PLCD1: variants seen among roughly 807,000 people sequenced by gnomAD.
The protein encoded by PLCD1 is 1-phosphatidylinositol 4,5-bisphosphate phosphodiesterase delta-1.
Under a neutral mutation model 87.4 loss-of-function variants are expected in PLCD1, and 71 were observed. That is an observed-to-expected ratio of 0.81 (90% CI 0.67 to 0.99). The LOEUF (loss-of-function observed/expected upper bound fraction) is 0.99, where lower values mean the gene tolerates loss of function less well. PLCD1 is among the 50% of genes least tolerant of loss of function. PLCD1 has a pLI of 0.00. For synonymous variants in PLCD1, 348 were observed against 399.2 expected, an observed-to-expected ratio of 0.87 and a Z score of 1.53; for missense variants, 867 against 1,001.5, an observed-to-expected ratio of 0.87 and a Z score of 1.81.
In PLCD1 at chr3:38,010,233, C is replaced by T; in HGVS notation, c.1035G>A (p.Trp345Ter). 6.2e-7 allele frequency: 1 copy of T among 1,614,240 alleles called. No individual in the cohort carries two copies. Among genetic ancestry groups the T allele is most frequent in the Non-Finnish European group, 8.5e-7 (1 of 1,180,042 alleles). The change falls in exon 7 of 15, where the codon TGG becomes TGA. Residue 345 changes from tryptophan (W) to a stop codon, truncating the protein, a stop_gained. Coordinates refer to ENST00000334661, the MANE Select transcript of PLCD1 (RefSeq NM_006225.4). LOFTEE classifies it high-confidence loss of function. ...TGATTGGTTCCTGGTTGGGCCCGTC[C>T]CAGCAGTCAAGCTCCAGGCATCGGC... ...KGCRCLELDC[W>*]DGPNQEPIIY... is the part of the protein sequence containing the mutation.
In PLCD1 at chr3:38,014,381, T is replaced by C. The variant is rs573783782; in HGVS notation, c.428+2110A>G. 3.3e-5 allele frequency among the ~76,000 whole-genome samples: 5 copies of C among 152,070 alleles called. No individual in the cohort carries two copies. The South Asian group carries it at 6.2e-4, about 19-fold the overall frequency. ...TGGTAGTGGTGCAAGGACAGACATA[T>C]AGACAAACAGAATAAAATTGAGAAC... On this transcript the variant is annotated intron_variant, in intron 3 of 14. Transcript: ENST00000334661.
rs1700174346 is a variant in PLCD1 at position 38,017,396 on chromosome 3, A to AG, written c.200-678dup. Among the ~76,000 whole-genome samples the AG allele has an allele frequency of 6.6e-6, 1 of 152,120 alleles. No individual in the cohort carries two copies. Among genetic ancestry groups the AG allele is most frequent in the African/African-American group, 2.4e-5 (1 of 41,430 alleles). On this transcript the variant is annotated intron_variant, in intron 2 of 14. Transcript: ENST00000334661. The surrounding 1 kb of genome is among the most constrained non-coding windows in gnomAD (Gnocchi z 4.7). The stretch of plus-strand genomic sequence containing the variant: ...TCCTGACTTCAGGGAGCCCCTTGGC[A>AG]GGGGGTACAGGAAGACTCTGCCTTC...
chr3:38,016,539 T>C lies in PLCD1; in HGVS notation c.380A>G (p.Lys127Arg), dbSNP rs767551640. ...CATGGAGCCTGAGTGGTGGATGATCTTGTGCAGCCCCAGCACCCAGTGCTG... is the reference window on the plus strand; with the variant it reads ...CATGGAGCCTGAGTGGTGGATGATCCTGTGCAGCCCCAGCACCCAGTGCTG... ...DAQHWVLGLH[K>R]IIHHSGSMDQ... is the part of the protein sequence containing the mutation. Residue 127 changes from lysine to arginine, a missense_variant, in exon 3 of 15, where the codon AAG (lysine) becomes AGG (arginine). By Grantham distance (26) the Lys-to-Arg change is conservative. Coordinates refer to ENST00000334661, the MANE Select transcript of PLCD1 (RefSeq NM_006225.4). 5.0e-6 allele frequency: 8 copies of C among 1,614,090 alleles called. No homozygotes were observed. The highest frequency in any genetic ancestry group is 6.8e-6 in the Non-Finnish European group (8 of 1,179,976).
At chr3:38,011,753 G>A in intron 3 of PLCD1, 80 bp from the exon 4 acceptor site, 2 of 1,427,374 alleles carry the variant, frequency 1.4e-6, no homozygotes, top group Non-Finnish European at 2.0e-6. Context: ...GGCTCCAGCT[G>A]AAGCCACCTA....
Position 38,025,303 on chromosome 3 carries a change from A to G in PLCD1, c.34+4203T>C, listed in dbSNP as rs1224790080. Among the ~76,000 whole-genome samples, 1 of 152,172 alleles carries G rather than the reference A, an allele frequency of 6.6e-6. No individual in the cohort carries two copies. Among genetic ancestry groups the G allele is most frequent in the Non-Finnish European group, 1.5e-5 (1 of 68,020 alleles). Reference sequence around the variant, plus strand: ...CAAGGAGCCGGAGCGGCGAATTCTAACGCCACCTTTGAGGCTGGCGCAGAA... The same window carrying G: ...CAAGGAGCCGGAGCGGCGAATTCTAGCGCCACCTTTGAGGCTGGCGCAGAA... On this transcript the variant is annotated intron_variant, in intron 1 of 14. Coordinates refer to ENST00000334661, the MANE Select transcript of PLCD1 (RefSeq NM_006225.4). The surrounding 1 kb of genome is among the most constrained non-coding windows in gnomAD (Gnocchi z 4.0).
rs752732794 is a variant in PLCD1 at position 38,008,083 on chromosome 3, C to T, written c.2116G>A (p.Asp706Asn). The change falls in exon 14 of 15, where the codon GAT (aspartate) becomes AAT (asparagine). Residue 706 changes from aspartate (D) to asparagine (N), a missense_variant. By Grantham distance (23) the Asp-to-Asn change is conservative (BLOSUM62 1). Coordinates refer to ENST00000334661, the MANE Select transcript of PLCD1 (RefSeq NM_006225.4). ...DLALIRFLVE[D>N]YDASSKNDFI... is the part of the protein sequence containing the mutation. Reference sequence around the variant, plus strand: ...TCATTCTTGGAGGAGGCATCATAATCTTCCACCAAGAAGCGGATGAGGGCA... The same window carrying T: ...TCATTCTTGGAGGAGGCATCATAATTTTCCACCAAGAAGCGGATGAGGGCA... 1.2e-6 allele frequency: 2 copies of T among 1,614,100 alleles called. No homozygotes were observed. Among genetic ancestry groups the T allele is most frequent in the African/African-American group, 2.7e-5 (2 of 74,938 alleles).
Position 38,016,683 on chromosome 3 carries a change from T to C in PLCD1, c.236A>G (p.His79Arg). ...GAACTTCTCCAGACCCTCCGTGCGGTGCCCCATTCGCACCTCCTGAATGTC... is the reference window on the plus strand; with the variant it reads ...GAACTTCTCCAGACCCTCCGTGCGGCGCCCCATTCGCACCTCCTGAATGTC... ...IEDIQEVRMG[H>R]RTEGLEKFAR... The change falls in exon 3 of 15, where the codon CAC (histidine) becomes CGC (arginine). Residue 79 changes from histidine to arginine, a missense_variant. Transcript: ENST00000334661. 2 of 1,573,032 alleles carry C rather than the reference T, an allele frequency of 1.3e-6. No homozygotes were observed. Among genetic ancestry groups the C allele is most frequent in the Non-Finnish European group, 1.7e-6 (2 of 1,158,164 alleles).
chr3:38,010,479 G>A lies in PLCD1; in HGVS notation c.874C>T (p.Arg292Cys), dbSNP rs761747360. The change falls in exon 6 of 15, where the codon CGC becomes TGC. Residue 292 changes from arginine to cysteine, a missense_variant. Arg to Cys is a radical substitution (Grantham distance 180). Transcript: ENST00000334661. ...TGGCCCATGTCCTGGTAGACACGGC[G>A]GTGTGCCAGGCTGAAGGCGCTGCCG... Reference protein sequence around the residue: ...ADGSAFSLAHRRVYQDMGQPL... With the variant: ...ADGSAFSLAHCRVYQDMGQPL... 1.7e-5 allele frequency: 27 copies of A among 1,613,956 alleles called. No individual in the cohort carries two copies. Among genetic ancestry groups the A allele is most frequent in the African/African-American group, 1.5e-4 (11 of 74,934 alleles).
intron 1 of PLCD1, among the ~76,000 whole-genome samples, chr3:38,027,369 TATCTC>T (rs1245494426): frequency 6.6e-6 from 1 of 152,078 alleles, no homozygotes; most frequent in Admixed American, 6.5e-5. Flanking sequence ...GTGTAGATAT[TATCTC>T]ATTCAATCTT....
At chr3:38,010,602 C>T (rs1431435137) in intron 5 of PLCD1, 40 bp from the exon 6 acceptor site, 4 of 1,555,460 alleles carry the variant, frequency 2.6e-6, no homozygotes, top group Non-Finnish European at 3.5e-6. Context: ...AGCCAGCCTC[C>T]AGCAGGCGCT....
Position 38,017,294 on chromosome 3 carries a change from G to T in PLCD1, c.200-575C>A, listed in dbSNP as rs903221686. ...TTAGCCCCAGCCCTGGGGTCTATGG[G>T]CAGAGGGCCGAAGACAGAGGGAGAA... On this transcript the variant is annotated intron_variant, in intron 2 of 14. Transcript: ENST00000334661. The surrounding 1 kb of genome is among the most constrained non-coding windows in gnomAD (Gnocchi z 4.7). 1.3e-5 allele frequency among the ~76,000 whole-genome samples: 2 copies of T among 152,194 alleles called. No individual in the cohort carries two copies.
Position 38,007,959 on chromosome 3 carries a change from A to G in PLCD1, c.2185+55T>C. On this transcript the variant is annotated intron_variant, in intron 14 of 14. Transcript: ENST00000334661. ...AAGGGACAGCCAGCCCCAGCCCAAGAGACGCCAGGCCCTGCTTCCCACCAC... is the reference window on the plus strand; with the variant it reads ...AAGGGACAGCCAGCCCCAGCCCAAGGGACGCCAGGCCCTGCTTCCCACCAC... 4.3e-6 allele frequency: 7 copies of G among 1,612,298 alleles called. No homozygotes were observed. In the South Asian group the frequency reaches 7.7e-5, roughly 18 times the overall value.
Position 38,016,697 on chromosome 3 carries a change from C to G in PLCD1, c.222G>C (p.Glu74Asp). 1 of 1,563,584 alleles carries G rather than the reference C, an allele frequency of 6.4e-7. No homozygotes were observed. The highest frequency in any genetic ancestry group is 8.7e-7 in the Non-Finnish European group (1 of 1,152,838). Residue 74 changes from glutamate (E) to aspartate (D), a missense_variant, in exon 3 of 15, where the codon GAG (glutamate) becomes GAC (aspartate). Glu to Asp is a conservative substitution (Grantham distance 45). Transcript: ENST00000334661. ...CCTCCGTGCGGTGCCCCATTCGCACCTCCTGAATGTCCTCGATGGAGACTG... is the reference window on the plus strand; with the variant it reads ...CCTCCGTGCGGTGCCCCATTCGCACGTCCTGAATGTCCTCGATGGAGACTG... ...SQLFSIEDIQ[E>D]VRMGHRTEGL... is the part of the protein sequence containing the mutation.
In PLCD1 at chr3:38,009,287, G is replaced by A. The variant is rs546715221; in HGVS notation, c.1591C>T (p.Leu531=). ...ASFSENRALR[L]LQESGNGFVR... Reference sequence around the variant, plus strand: ...CAGGCCTCACCTGATTCTTGGAGCAGTCGAAGGGCACGGTTCTCAGAGAAG... The same window carrying A: ...CAGGCCTCACCTGATTCTTGGAGCAATCGAAGGGCACGGTTCTCAGAGAAG... Residue 531 remains leucine, a synonymous_variant, in exon 10 of 15, where the codon CTG becomes TTG. Coordinates refer to ENST00000334661, the MANE Select transcript of PLCD1 (RefSeq NM_006225.4). The A allele has an allele frequency of 2.5e-5, 41 of 1,614,228 alleles. No individual in the cohort carries two copies. The East Asian group carries it at 5.8e-4, about 23-fold the overall frequency.
At chr3:38,009,576 T>C (rs1700033506) in intron 9 of PLCD1, 77 bp downstream of exon 9, 1 of 1,587,410 alleles carries the variant, frequency 6.3e-7, no homozygotes, top group Non-Finnish European at 8.6e-7. Flanking sequence ...CACAGAGAAC[T>C]GAGACAAGGC....
At chr3:38,020,479 GT>G in intron 1 of PLCD1, 127 bp from the exon 2 acceptor site, 1 of 876,624 alleles carries the variant, frequency 1.1e-6, no homozygotes, top group Non-Finnish European at 1.9e-6. Context: ...CCTCAGCTCT[GT>G]TTACTCCTCC....
chr3:38,024,614 T>G, intron 1 of PLCD1: 1 of 1,516,054 alleles, frequency 6.6e-7, no homozygotes, highest in Non-Finnish European at 8.8e-7. Flanking sequence ...AGGGGCGCAC[T>G]TCGGAGGGGC....
At chr3:38,022,703 A>G (rs1700252643) in intron 1 of PLCD1, among the ~76,000 whole-genome samples, 1 of 152,126 alleles carries the variant, frequency 6.6e-6, no homozygotes, top group Non-Finnish European at 1.5e-5. Context: ...CAGAAAGGTG[A>G]TAGCCACAGC....
intron 11 of PLCD1, 72 bp from the exon 12 acceptor site, chr3:38,008,708 A>T: frequency 7.3e-7 from 1 of 1,361,782 alleles, no homozygotes; most frequent in Non-Finnish European, 1.0e-6. Context: ...TGCTCAGGGT[A>T]CACTAAGGCC....
Sources: allele counts gnomAD v4.1 joint callset (sites outside exome capture counted in the v4.1 genomes callset), GRCh38; gene constraint gnomAD v4.1.1; non-coding constraint Gnocchi (gnomAD v3.1); transcripts MANE v1.5; gene names NCBI Gene and HGNC (gene_info 2026-07-23, HGNC 2026-07-21).